TLN2: variants seen among roughly 807,000 people sequenced by gnomAD.
The protein encoded by TLN2 is talin-2.
In TLN2, 118 loss-of-function variants were observed where a neutral mutation model predicts 294.7. That is an observed-to-expected ratio of 0.40 (90% CI 0.34 to 0.47). The LOEUF is 0.47. TLN2 is among the 20% of genes least tolerant of loss of function. The pLI is 0.84. For missense variants in TLN2, 3,083 were observed against 3,282.2 expected (o/e 0.94, Z 1.48); for synonymous variants, 1,431 against 1,304.5 (o/e 1.10, Z -2.09).
chr15:62,544,846 T>G (rs1302671868), intron 1 of TLN2, among the ~76,000 whole-genome samples: 1 of 152,102 alleles, frequency 6.6e-6, no homozygotes, highest in African/African-American at 2.4e-5. Flanking sequence ...TATTCTTAGT[T>G]TTTTTTTCCT....
chr15:62,723,626 C>T (rs1038653672), intron 26 of TLN2, among the ~76,000 whole-genome samples: 1 of 149,068 alleles, frequency 6.7e-6, no homozygotes, highest in African/African-American at 2.5e-5. Context: ...TCACTGTAAC[C>T]TCAATCTGCT....
intron 28 of TLN2, 53 bp from the exon 29 acceptor site, chr15:62,736,825 A>G: frequency 6.3e-7 from 1 of 1,583,900 alleles, no homozygotes; most frequent in Non-Finnish European, 8.6e-7. Flanking sequence ...CCTAAGTAAA[A>G]TGTGCCATTT....
chr15:62,641,700 C>G (rs1366417196), intron 3 of TLN2, among the ~76,000 whole-genome samples: 1 of 152,118 alleles, frequency 6.6e-6, no homozygotes, highest in Non-Finnish European at 1.5e-5. Flanking sequence ...TCATTTAATT[C>G]TCTAGCGATC....
intron 40 of TLN2, among the ~76,000 whole-genome samples, chr15:62,765,174 C>T (rs571770070): frequency 1.3e-5 from 2 of 152,026 alleles, no homozygotes; most frequent in Non-Finnish European, 2.9e-5. Context: ...TGTAATAAGA[C>T]AGCACTGTTG....
chr15:62,631,518 C>CT lies in TLN2; in HGVS notation c.-37+13045dup, dbSNP rs750976377. Reference sequence around the variant, plus strand: ...TTCTTCCTCTTTTCTTTCTTTCTTTCTTCCTTTCCTTTCCTTTCCTTTCCT... The same window carrying CT: ...TTCTTCCTCTTTTCTTTCTTTCTTTCTTTCCTTTCCTTTCCTTTCCTTTCCT... On this transcript the variant is annotated intron_variant, in intron 3 of 58. Coordinates refer to ENST00000636159, the MANE Select transcript of TLN2 (RefSeq NM_015059.3). 5.6e-5 allele frequency among the ~76,000 whole-genome samples: 5 copies of CT among 89,678 alleles called. No individual in the cohort carries two copies. The East Asian group carries it at 9.2e-4, about 16-fold the overall frequency. 58.8% of individuals were successfully genotyped at this position (89,678 alleles called of 152,430 possible). A position where few individuals can be genotyped will look rare whatever the true frequency, so the allele number is the denominator to read the frequency against.
At chr15:62,662,628 A>C (rs1315813260) in intron 9 of TLN2, among the ~76,000 whole-genome samples, 1 of 152,202 alleles carries the variant, frequency 6.6e-6, no homozygotes, top group South Asian at 2.1e-4. Flanking sequence ...CGGGGTAGAC[A>C]CTAGACACTG....
chr15:62,546,771 T>C (rs1420966082), intron 1 of TLN2, among the ~76,000 whole-genome samples: 1 of 152,186 alleles, frequency 6.6e-6, no homozygotes, highest in Non-Finnish European at 1.5e-5. Flanking sequence ...GATCTATCTC[T>C]AGCAGCCACA....
Position 62,840,681 on chromosome 15 carries a change from G to C in TLN2, c.*71G>C. On this transcript the variant is annotated 3_prime_UTR_variant, in exon 59 of 59. Transcript: ENST00000636159. Reference sequence around the variant, plus strand: ...ACTGGACAGACAGTGTTCCTGAGAGGCTGGGCACTTAGCTGGAAACCGCCC... The same window carrying C: ...ACTGGACAGACAGTGTTCCTGAGAGCCTGGGCACTTAGCTGGAAACCGCCC... 3.2e-6 allele frequency: 5 copies of C among 1,548,898 alleles called. No homozygotes were observed. Among genetic ancestry groups the C allele is most frequent in the Non-Finnish European group, 2.6e-6 (3 of 1,149,268 alleles).
intron 2 of TLN2, among the ~76,000 whole-genome samples, chr15:62,596,906 A>T (rs1181587505): frequency 6.6e-6 from 1 of 151,980 alleles, no homozygotes; most frequent in Non-Finnish European, 1.5e-5. Flanking sequence ...TTTCCTGTAG[A>T]TTGTTTTTGC....
intron 1 of TLN2, among the ~76,000 whole-genome samples, chr15:62,473,867 G>T (rs1002040481): frequency 1.3e-5 from 2 of 152,212 alleles, no homozygotes; most frequent in Non-Finnish European, 2.9e-5. Context: ...GCCGAGGCAG[G>T]TGGATCACCT....
At chr15:62,471,271 C>A (rs111983119) in intron 1 of TLN2, among the ~76,000 whole-genome samples, 1 of 152,096 alleles carries the variant, frequency 6.6e-6, no homozygotes, top group Admixed American at 6.6e-5. Context: ...CCCAGGAGGT[C>A]GAGGTCGAGG....
intron 40 of TLN2, among the ~76,000 whole-genome samples, chr15:62,764,150 C>T (rs902082098): frequency 6.6e-6 from 1 of 152,128 alleles, no homozygotes; most frequent in Non-Finnish European, 1.5e-5. Flanking sequence ...GGATTCTGCC[C>T]TAAGTTATTC....
At chr15:62,547,832 G>A (rs997275959) in intron 1 of TLN2, among the ~76,000 whole-genome samples, 2 of 152,196 alleles carry the variant, frequency 1.3e-5, no homozygotes, top group Admixed American at 1.3e-4. Flanking sequence ...TGACAGGGCC[G>A]TGGCCAATTG....
chr15:62,587,009 C>A lies in TLN2; in HGVS notation c.-237-2678C>A, dbSNP rs558271162. On this transcript the variant is annotated intron_variant, in intron 1 of 58. Transcript: ENST00000636159. ...GGAAAAGAGAAAGATAGATGGGATTCCATTGGTCACAGTAACACACTCACT... is the reference window on the plus strand; with the variant it reads ...GGAAAAGAGAAAGATAGATGGGATTACATTGGTCACAGTAACACACTCACT... Among the ~76,000 whole-genome samples the A allele has an allele frequency of 3.9e-5, 6 of 152,258 alleles. No individual in the cohort carries two copies. The South Asian group carries it at 1.2e-3, about 32-fold the overall frequency.
intron 2 of TLN2, among the ~76,000 whole-genome samples, chr15:62,602,896 A>G (rs893921814): frequency 7.8e-6 from 1 of 128,600 alleles, no homozygotes; most frequent in African/African-American, 2.9e-5. Context: ...TTTTATTTTT[A>G]TTTATTTATT....
chr15:62,504,090 G>A (rs2039453518), intron 1 of TLN2, among the ~76,000 whole-genome samples: 1 of 152,176 alleles, frequency 6.6e-6, no homozygotes, highest in Non-Finnish European at 1.5e-5. Flanking sequence ...GCAGAGATTT[G>A]CTGTTTTCCA....
chr15:62,816,576 C>G (rs1009671456), intron 52 of TLN2, among the ~76,000 whole-genome samples: 3 of 152,156 alleles, frequency 2.0e-5, no homozygotes, highest in African/African-American at 7.2e-5. Flanking sequence ...CACTGAAGGC[C>G]CTCCTTTTAG....
At chr15:62,765,134 C>T (rs1475206936) in intron 40 of TLN2, among the ~76,000 whole-genome samples, 3 of 151,688 alleles carry the variant, frequency 2.0e-5, no homozygotes, top group Admixed American at 2.0e-4. Flanking sequence ...GCTCCCTGAT[C>T]ATACACCCTA....
At chr15:62,768,635 C>T (rs1212222200) in intron 41 of TLN2, among the ~76,000 whole-genome samples, 11 of 152,306 alleles carry the variant, frequency 7.2e-5, no homozygotes, top group African/African-American at 2.6e-4. Flanking sequence ...GTACCAAATA[C>T]TCAAAATTCT....
Sources: gnomAD v4.1 joint callset for allele counts (sites outside exome capture counted in the v4.1 genomes callset) on GRCh38, gnomAD v4.1.1 for gene constraint, MANE v1.5 for transcripts, NCBI Gene and HGNC (gene_info 2026-07-23, HGNC 2026-07-21) for gene names.